ZFR2: variants seen among roughly 807,000 people sequenced by gnomAD.
ZFR2 encodes zinc finger RNA binding protein 2.
ZFR2 carries 104 observed loss-of-function variants against 105.7 expected under a neutral mutation model. That is an observed-to-expected ratio of 0.98 (90% CI 0.84 to 1.16). The LOEUF (loss-of-function observed/expected upper bound fraction) is 1.16, where lower values mean the gene tolerates loss of function less well. Among genes scored for constraint, ZFR2 ranks in the 50% most tolerant of loss-of-function variants. ZFR2 has a pLI of 0.00. For missense variants in ZFR2, 1,425 were observed against 1,355.5 expected (o/e 1.05, Z -0.80); for synonymous variants, 634 against 597.7 (o/e 1.06, Z -0.89).
chr19:3,810,996 C>G (rs2037757645), intron 15 of ZFR2, among the ~76,000 whole-genome samples, 151 bp from the exon 16 acceptor site: 1 of 152,232 alleles, frequency 6.6e-6, no homozygotes, highest in Admixed American at 6.5e-5. Context: ...TCCACTCCCA[C>G]ATGAGCCCGG....
rs1311105876 is a variant in ZFR2, at chr19:3,806,186, C to T, written c.2644-61G>A. 4 of 1,387,966 alleles carry T rather than the reference C, an allele frequency of 2.9e-6. No individual in the cohort carries two copies. In the East Asian group the frequency reaches 1.2e-4, roughly 41 times the overall value. The allele number at this position is 1,387,966 out of a possible 1,614,324, so 86.0% of individuals were successfully genotyped here. On this transcript the variant is annotated intron_variant, in intron 18 of 18. Coordinates refer to ENST00000262961, the MANE Select transcript of ZFR2 (RefSeq NM_015174.2). The stretch of plus-strand genomic sequence containing the variant: ...CGCTCTGCTCCCCGAGTGCTGGGGA[C>T]ACAGAGGGGCTGGTGTCTGTGGCCA...
chr19:3,861,024 G>A (rs1288994907), intron 1 of ZFR2, among the ~76,000 whole-genome samples: 1 of 152,082 alleles, frequency 6.6e-6, no homozygotes, highest in African/African-American at 2.4e-5. Context: ...CATGGCAAGG[G>A]CCTGGGGACA....
intron 1 of ZFR2, among the ~76,000 whole-genome samples, chr19:3,866,389 G>A (rs556180303): frequency 6.6e-6 from 1 of 150,562 alleles, no homozygotes; most frequent in Non-Finnish European, 1.5e-5. Context: ...ACTCAACACC[G>A]GGTTGCGTGT....
At chr19:3,819,852 C>CAAAAGAGAAAAAAAA (rs373530026) in intron 11 of ZFR2, among the ~76,000 whole-genome samples, 1 of 138,658 alleles carries the variant, frequency 7.2e-6, no homozygotes, top group Non-Finnish European at 1.6e-5. Context: ...GACTCTGTCT[C>CAAAAGAGAAAAAAAA]AAAAAAAAAT....
chr19:3,824,339 T>C (rs2037926735), intron 7 of ZFR2, among the ~76,000 whole-genome samples: 1 of 152,000 alleles, frequency 6.6e-6, no homozygotes, highest in East Asian at 1.9e-4. Flanking sequence ...AGAGTTGTCG[T>C]GGAGGTAAAG....
intron 1 of ZFR2, among the ~76,000 whole-genome samples, chr19:3,861,798 T>C (rs1968448): frequency 0.81 from 123,465 of 152,074 alleles, 50,985 homozygotes; most frequent in East Asian, 0.99. Flanking sequence ...TGGTGGTGCA[T>C]GCCTGTAGTC....
intron 14 of ZFR2, 128 bp from the exon 15 acceptor site, chr19:3,811,494 A>G (rs1219307570): frequency 2.4e-6 from 2 of 820,040 alleles, no homozygotes; most frequent in African/African-American, 3.5e-5. Flanking sequence ...TCACTGTGTC[A>G]CCCAGGCTGG....
rs201962728 is a variant in ZFR2 at position 3,821,349 on chromosome 19, G to C, written c.1622C>G (p.Ala541Gly). The C allele has an allele frequency of 2.5e-6, 4 of 1,596,528 alleles. No individual in the cohort carries two copies. The highest frequency in any genetic ancestry group is 3.4e-6 in the Non-Finnish European group (4 of 1,173,606). Reference sequence around the variant, plus strand: ...ACCCGCAGCCGGGCACCTCCTCTCCGCGTGCCAGCGCCGCAGCTGCTCCAG... The same window carrying C: ...ACCCGCAGCCGGGCACCTCCTCTCCCCGTGCCAGCGCCGCAGCTGCTCCAG... ...ERLEQLRRWH[A>G]ERRRLEEEPP... The change falls in exon 10 of 19, where the codon GCG becomes GGG. Residue 541 changes from alanine to glycine, a missense_variant. Ala to Gly is a moderately conservative substitution (Grantham distance 60, BLOSUM62 0). Transcript: ENST00000262961.
At chr19:3,856,312 G>C (rs907898663) in intron 1 of ZFR2, among the ~76,000 whole-genome samples, 3 of 152,194 alleles carry the variant, frequency 2.0e-5, no homozygotes, top group African/African-American at 7.2e-5. Flanking sequence ...TGCTGCATGG[G>C]CCGCTGTATG....
At chr19:3,817,140 C>T (rs977747239) in intron 12 of ZFR2, among the ~76,000 whole-genome samples, 4 of 152,196 alleles carry the variant, frequency 2.6e-5, no homozygotes, top group Non-Finnish European at 4.4e-5. Flanking sequence ...CAGGCCCGCC[C>T]CGCGAGGTCT....
At chr19:3,812,481 C>T (rs10422115) in intron 14 of ZFR2, among the ~76,000 whole-genome samples, 9,490 of 151,994 alleles carry the variant, frequency 0.062, 961 homozygotes, top group African/African-American at 0.21. Context: ...TCCTGGGGGG[C>T]GGCTCACGGG....
chr19:3,865,877 C>T (rs1472291130), intron 1 of ZFR2, among the ~76,000 whole-genome samples: 3 of 151,838 alleles, frequency 2.0e-5, no homozygotes, highest in East Asian at 2.0e-4. Flanking sequence ...CTCACCCTGT[C>T]GCCCAGGCTG....
In ZFR2 at chr19:3,838,108, T is replaced by C. The variant is rs2038097273; in HGVS notation, c.54-3125A>G. Reference sequence around the variant, plus strand: ...TGACACGCGATGAACACCGTGACCGTGACACTCGATGAACACCGTGACTGT... The same window carrying C: ...TGACACGCGATGAACACCGTGACCGCGACACTCGATGAACACCGTGACTGT... On this transcript the variant is annotated intron_variant, in intron 1 of 18. Coordinates refer to ENST00000262961, the MANE Select transcript of ZFR2 (RefSeq NM_015174.2). The surrounding 1 kb of genome is among the most constrained non-coding windows in gnomAD (Gnocchi z 4.9). 6.6e-6 allele frequency among the ~76,000 whole-genome samples: 1 copy of C among 151,224 alleles called. No individual in the cohort carries two copies. The highest frequency in any genetic ancestry group is 6.6e-5 in the Admixed American group (1 of 15,186).
At position 3,858,290 on chromosome 19, in the gene ZFR2, C is replaced by T. The variant is rs150785643; in HGVS notation, c.53+10675G>A. 3.3e-5 allele frequency among the ~76,000 whole-genome samples: 5 copies of T among 152,214 alleles called. No homozygotes were observed. Among genetic ancestry groups the T allele is most frequent in the Non-Finnish European group, 5.9e-5 (4 of 68,010 alleles). On this transcript the variant is annotated intron_variant, in intron 1 of 18. Coordinates refer to ENST00000262961, the MANE Select transcript of ZFR2 (RefSeq NM_015174.2). The surrounding 1 kb of genome is among the most constrained non-coding windows in gnomAD (Gnocchi z 4.3). The stretch of plus-strand genomic sequence containing the variant: ...GTGTGGTCCACACTTCAGAGGGACA[C>T]GGGTGGGATCTGCAGATAGAGGCAG...
At chr19:3,865,999 G>A (rs967670940) in intron 1 of ZFR2, among the ~76,000 whole-genome samples, 13 of 151,964 alleles carry the variant, frequency 8.6e-5, no homozygotes, top group Non-Finnish European at 1.5e-4. Flanking sequence ...GCGACACCAC[G>A]CCCGGCTAAT....
At chr19:3,811,908 G>A (rs2037769020) in intron 14 of ZFR2, among the ~76,000 whole-genome samples, 1 of 152,016 alleles carries the variant, frequency 6.6e-6, no homozygotes, top group African/African-American at 2.4e-5. Context: ...CTGCAGGCGT[G>A]CACCACCACA....
chr19:3,854,506 T>C (rs994879003), intron 1 of ZFR2, among the ~76,000 whole-genome samples: 3 of 152,178 alleles, frequency 2.0e-5, no homozygotes, highest in Non-Finnish European at 4.4e-5. Flanking sequence ...CCAGCGATCA[T>C]GTGAACACAT....
chr19:3,814,458 T>G (rs1345208403), intron 13 of ZFR2, among the ~76,000 whole-genome samples: 1 of 152,196 alleles, frequency 6.6e-6, no homozygotes, highest in African/African-American at 2.4e-5. Flanking sequence ...TCACCCTCCA[T>G]GAGGCCTGTG....
chr19:3,835,490 CTT>C (rs35786970), intron 1 of ZFR2, among the ~76,000 whole-genome samples: 33 of 143,654 alleles, frequency 2.3e-4, no homozygotes, highest in African/African-American at 3.1e-4. Context: ...CACGCCCAGC[CTT>C]TTTTTTTTTT....
Sources: gnomAD v4.1 joint callset for allele counts (sites outside exome capture counted in the v4.1 genomes callset) on GRCh38, gnomAD v4.1.1 for gene constraint, Gnocchi (gnomAD v3.1) non-coding constraint, MANE v1.5 for transcripts, NCBI Gene and HGNC (gene_info 2026-07-23, HGNC 2026-07-21) for gene names.